The following DIS3L variants were observed in gnomAD, a reference collection of about 807,000 sequenced individuals.
DIS3L encodes DIS3 like exosome 3'-5' exoribonuclease.
Under a neutral mutation model 120.3 loss-of-function variants are expected in DIS3L, and 100 were observed. That is an observed-to-expected ratio of 0.83 (90% CI 0.71 to 0.98). DIS3L has a LOEUF of 0.98. Among genes scored for constraint, DIS3L ranks in the 50% least tolerant of loss-of-function variants. DIS3L has a pLI of 0.00. For missense variants in DIS3L, 1,196 were observed against 1,314.2 expected, an observed-to-expected ratio of 0.91 and a Z score of 1.39; for synonymous variants, 426 against 470.6, an observed-to-expected ratio of 0.91 and a Z score of 1.23.
At position 66,329,355 on chromosome 15, in the gene DIS3L, A is replaced by G; in HGVS notation, c.2491A>G (p.Lys831Glu). Reference protein sequence around the residue: ...MEIKGNLFSNKDLEELCRHIN... With the variant: ...MEIKGNLFSNEDLEELCRHIN... ...AATTAAGGGAAATCTGTTCAGCAAC[A>G]AAGATCTTGAGGAATTATGCAGACA... Residue 831 changes from lysine to glutamate, a missense_variant, in exon 14 of 17, where the codon AAA becomes GAA. Lys to Glu is a moderately conservative substitution (Grantham distance 56). Transcript: ENST00000319212. 6.2e-7 allele frequency: 1 copy of G among 1,613,116 alleles called. No homozygotes were observed. The highest frequency in any genetic ancestry group is 2.2e-5 in the East Asian group (1 of 44,842).
intron 8 of DIS3L, among the ~76,000 whole-genome samples, chr15:66,318,943 C>A (rs1404668593): frequency 6.6e-6 from 1 of 152,124 alleles, no homozygotes; most frequent in Non-Finnish European, 1.5e-5. Context: ...CAGGCTCCCG[C>A]CACCACGCCC....
chr15:66,308,240 CGGTTCT>C (rs2092720755), intron 3 of DIS3L, among the ~76,000 whole-genome samples: 2 of 152,166 alleles, frequency 1.3e-5, no homozygotes, highest in African/African-American at 4.8e-5. Context: ...TTCCCAGTTC[CGGTTCT>C]TTTTTGGAAG....
At position 66,308,769 on chromosome 15, in the gene DIS3L, T is replaced by C; in HGVS notation, c.483T>C (p.Val161=). 2 of 1,613,556 alleles carry C rather than the reference T, an allele frequency of 1.2e-6. No individual in the cohort carries two copies. The highest frequency in any genetic ancestry group is 1.7e-6 in the Non-Finnish European group (2 of 1,179,760). ...ACTGCCAGGACAGGATGCCAATTGT[T>C]ATGGTGACAGAAGATGAAGAGGCAA... ...YHHCQDRMPI[V]MVTEDEEAIQ... is the part of the protein sequence containing the mutation. The change falls in exon 4 of 17, where the codon GTT becomes GTC. Residue 161 remains valine (V), a synonymous_variant. Coordinates refer to ENST00000319212, the MANE Select transcript of DIS3L (RefSeq NM_001143688.3).
At chr15:66,317,005 C>T (rs573705202) in intron 7 of DIS3L, among the ~76,000 whole-genome samples, 1 of 152,310 alleles carries the variant, frequency 6.6e-6, no homozygotes, top group South Asian at 2.1e-4. Flanking sequence ...GCAGTGACAA[C>T]TTGTTCTTTC....
chr15:66,304,159 A>G (rs937089014), intron 2 of DIS3L, among the ~76,000 whole-genome samples: 2 of 150,886 alleles, frequency 1.3e-5, no homozygotes, highest in Admixed American at 1.3e-4. Context: ...TAAGTTTTAA[A>G]TGTGTCTTTA....
intron 14 of DIS3L, chr15:66,330,589 G>A: frequency 1.0e-6 from 1 of 975,092 alleles, no homozygotes; most frequent in African/African-American, 1.7e-5. Context: ...AAAATTAGAA[G>A]TAGAAATTTG....
At chr15:66,322,581 T>C (rs1311392813) in intron 9 of DIS3L, 106 bp from the exon 10 acceptor site, 5 of 1,511,580 alleles carry the variant, frequency 3.3e-6, no homozygotes, top group Non-Finnish European at 4.5e-6. Flanking sequence ...AAGAAGGTAA[T>C]TGAGAATGAA....
intron 4 of DIS3L, 136 bp from the exon 5 acceptor site, chr15:66,311,588 C>A: frequency 3.1e-6 from 3 of 966,918 alleles, no homozygotes; most frequent in Non-Finnish European, 4.7e-6. Context: ...TGGAGTGAGG[C>A]TCAGGAAGTC....
At chr15:66,305,012 T>G (rs1488983274) in intron 2 of DIS3L, among the ~76,000 whole-genome samples, 1 of 145,082 alleles carries the variant, frequency 6.9e-6, no homozygotes, top group Non-Finnish European at 1.5e-5. Flanking sequence ...TTTTTTTTTT[T>G]TTTTTTGAGC....
In DIS3L at chr15:66,293,755, C is replaced by G. The variant is rs1346474648; in HGVS notation, c.139+20C>G. 7.6e-6 allele frequency: 9 copies of G among 1,183,290 alleles called. No individual in the cohort carries two copies. Among genetic ancestry groups the G allele is most frequent in the Non-Finnish European group, 8.4e-6 (8 of 957,904 alleles). 73.3% of individuals were successfully genotyped at this position (1,183,290 alleles called of 1,614,324 possible). A position where few individuals can be genotyped will look rare whatever the true frequency, so the allele number is the denominator to read the frequency against. On this transcript the variant is annotated intron_variant, in intron 1 of 16. Coordinates refer to ENST00000319212, the MANE Select transcript of DIS3L (RefSeq NM_001143688.3). ...GCCACGGTCAGGGCCGGGGCGGGGG[C>G]GGGGACGGGGCCGGCGGGAGCGGGC...
chr15:66,319,953 A>G (rs1595748180), intron 8 of DIS3L, among the ~76,000 whole-genome samples: 1 of 54,986 alleles, frequency 1.8e-5, no homozygotes, highest in Non-Finnish European at 5.7e-5. Context: ...CATTTCTACT[A>G]AAAAAAAAAA....
chr15:66,294,508 C>T (rs899543014), intron 1 of DIS3L: 1 of 987,134 alleles, frequency 1.0e-6, no homozygotes, highest in Non-Finnish European at 1.2e-6. Flanking sequence ...GGTGGGAAAC[C>T]TCACCTCTGC....
At chr15:66,321,501 T>C (rs1029836927) in intron 9 of DIS3L, among the ~76,000 whole-genome samples, 2 of 152,162 alleles carry the variant, frequency 1.3e-5, no homozygotes, top group African/African-American at 4.8e-5. Flanking sequence ...TGGTGGCTCA[T>C]GCCTGTAATC....
At chr15:66,306,551 G>A (rs957632474) in intron 2 of DIS3L, among the ~76,000 whole-genome samples, 1 of 152,228 alleles carries the variant, frequency 6.6e-6, no homozygotes, top group Non-Finnish European at 1.5e-5. Flanking sequence ...ATGGCTGGAA[G>A]TCTCTGAAGG....
intron 2 of DIS3L, among the ~76,000 whole-genome samples, chr15:66,304,626 C>T (rs1405906150): frequency 6.6e-6 from 1 of 152,088 alleles, no homozygotes; most frequent in Non-Finnish European, 1.5e-5. Context: ...TATGGCCGGG[C>T]GTGACGGCTT....
Position 66,323,576 on chromosome 15 carries a change from G to T in DIS3L, c.1658G>T (p.Gly553Val), listed in dbSNP as rs1212779923. Residue 553 changes from glycine to valine, a missense_variant, in exon 11 of 17, where the codon GGC becomes GTC. Gly to Val is a moderately radical substitution (Grantham distance 109). Coordinates refer to ENST00000319212, the MANE Select transcript of DIS3L (RefSeq NM_001143688.3). ...LSADLCSLLG[G>V]VDRYAVSIMW... is the part of the protein sequence containing the mutation. ...GCAGATTTGTGTTCCCTTCTGGGAG[G>T]CGTTGATAGGTGAGTTTATGGCTTT... 3 of 1,614,088 alleles carry T rather than the reference G, an allele frequency of 1.9e-6. No homozygotes were observed. The highest frequency in any genetic ancestry group is 2.5e-6 in the Non-Finnish European group (3 of 1,180,038).
intron 6 of DIS3L, among the ~76,000 whole-genome samples, chr15:66,314,629 C>T (rs2092798863): frequency 1.3e-5 from 2 of 152,316 alleles, no homozygotes; most frequent in South Asian, 2.1e-4. Context: ...GGCCCTTGCT[C>T]GTCAGCATTC....
intron 4 of DIS3L, among the ~76,000 whole-genome samples, chr15:66,310,493 T>C (rs987186324): frequency 2.0e-5 from 3 of 152,178 alleles, no homozygotes; most frequent in African/African-American, 7.2e-5. Flanking sequence ...AAAAGAGATA[T>C]TGTGAAGTTC....
intron 14 of DIS3L, chr15:66,329,676 C>T (rs546894434): frequency 2.6e-5 from 28 of 1,067,888 alleles, no homozygotes; most frequent in Middle Eastern, 4.5e-4. Context: ...CGTGGTGGCT[C>T]ACTTGAGGGC....
Sources: gnomAD v4.1 joint callset for allele counts (sites outside exome capture counted in the v4.1 genomes callset) on GRCh38, gnomAD v4.1.1 for gene constraint, MANE v1.5 for transcripts, NCBI Gene and HGNC (gene_info 2026-07-23, HGNC 2026-07-21) for gene names.